The following PPHLN1 variants were observed in gnomAD, a reference collection of about 807,000 sequenced individuals.
The protein encoded by PPHLN1 is periphilin 1.
Under a neutral mutation model 51.3 loss-of-function variants are expected in PPHLN1, and 29 were observed. The observed-to-expected ratio is 0.57, with a 90% CI of 0.42 to 0.77. The LOEUF (loss-of-function observed/expected upper bound fraction) is 0.77. Ranked by LOEUF, PPHLN1 falls within the 30% of genes least tolerant of loss-of-function variation. The pLI is 0.00. For missense variants in PPHLN1, 436 were observed against 438.4 expected, an observed-to-expected ratio of 0.99 and a Z score of 0.05; for synonymous variants, 147 against 147.8, an observed-to-expected ratio of 0.99 and a Z score of 0.04.
chr12:42,395,746 A>G (rs2078145712), intron 8 of PPHLN1, among the ~76,000 whole-genome samples: 1 of 152,110 alleles, frequency 6.6e-6, no homozygotes. Context: ...GCAATATTTT[A>G]TTTTATATGA....
chr12:42,410,310 C>T (rs907763532), intron 9 of PPHLN1, among the ~76,000 whole-genome samples: 57 of 152,130 alleles, frequency 3.7e-4, no homozygotes, highest in African/African-American at 1.3e-3. Flanking sequence ...TAGTTTGAAG[C>T]ATGTCTGATT....
intron 5 of PPHLN1, among the ~76,000 whole-genome samples, chr12:42,381,999 G>GT (rs919687072): frequency 3.9e-5 from 6 of 151,940 alleles, no homozygotes; most frequent in African/African-American, 9.7e-5. Flanking sequence ...TGATTATGCT[G>GT]TTTTTTTTCC....
At position 42,441,522 on chromosome 12, in the gene PPHLN1, A is replaced by G; in HGVS notation, c.*13A>G. ...AGAGCCTTTTTAGATTTTTCTGCTC[A>G]GGCTAAAAAAAAAAAAAAACAGTTT... On this transcript the variant is annotated 3_prime_UTR_variant, in exon 10 of 10. Coordinates refer to ENST00000358314, the MANE Select transcript of PPHLN1 (RefSeq NM_201439.2). 1.3e-6 allele frequency: 2 copies of G among 1,530,518 alleles called. No homozygotes were observed. The highest frequency in any genetic ancestry group is 1.3e-5 in the South Asian group (1 of 79,670). The allele number at this position is 1,530,518 out of a possible 1,614,324, so 94.8% of individuals were successfully genotyped here.
intron 9 of PPHLN1, among the ~76,000 whole-genome samples, chr12:42,420,177 C>T (rs2080858358): frequency 6.6e-6 from 1 of 152,124 alleles, no homozygotes; most frequent in South Asian, 2.1e-4. Flanking sequence ...CACACCTACA[C>T]AATGGACTGA....
At chr12:42,379,335 C>T (rs1477765141) in intron 5 of PPHLN1, among the ~76,000 whole-genome samples, 2 of 151,932 alleles carry the variant, frequency 1.3e-5, no homozygotes, top group Non-Finnish European at 2.9e-5. Flanking sequence ...AAATCTTCTT[C>T]AGTAACATCT....
At chr12:42,376,571 G>A (rs938062919) in intron 5 of PPHLN1, among the ~76,000 whole-genome samples, 3 of 152,172 alleles carry the variant, frequency 2.0e-5, no homozygotes, top group East Asian at 3.8e-4. Context: ...AAGATTACTC[G>A]AGCCCAGGAG....
intron 9 of PPHLN1, among the ~76,000 whole-genome samples, chr12:42,429,008 C>T (rs1469936595): frequency 6.6e-6 from 1 of 151,944 alleles, no homozygotes. Flanking sequence ...TCAGACACGA[C>T]AATATCAAAA....
At chr12:42,442,882 C>T (rs1211259780), downstream of PPHLN1, 12 of 1,337,718 alleles carry the variant, frequency 9.0e-6, no homozygotes, top group South Asian at 1.5e-5. Context: ...AGCAGAGCCT[C>T]GGTTTCGCAG....
downstream of PPHLN1, chr12:42,444,450 A>T (rs544964302): frequency 1.9e-4 from 28 of 149,608 alleles, no homozygotes; most frequent in African/African-American, 6.7e-4. Context: ...ATAGACCCAC[A>T]ATACTCAGTC....
At chr12:42,350,996 C>T (rs967853943) in intron 2 of PPHLN1, among the ~76,000 whole-genome samples, 1 of 145,340 alleles carries the variant, frequency 6.9e-6, no homozygotes, top group African/African-American at 2.7e-5. Context: ...CCATGGCAAG[C>T]GGGAGAGGGA....
intron 9 of PPHLN1, among the ~76,000 whole-genome samples, chr12:42,404,327 G>A (rs567183499): frequency 6.6e-6 from 1 of 152,198 alleles, no homozygotes; most frequent in African/African-American, 2.4e-5. Flanking sequence ...CCAGGAGTTC[G>A]AGACCAGGCT....
downstream of PPHLN1, chr12:42,446,190 C>G (rs541068905): frequency 6.2e-7 from 1 of 1,611,920 alleles, no homozygotes; most frequent in Non-Finnish European, 8.5e-7. Context: ...AAGAAGACAA[C>G]TCAGGAGGCT....
At chr12:42,445,224 A>G (rs2083245794), downstream of PPHLN1, 3 of 657,658 alleles carry the variant, frequency 4.6e-6, no homozygotes, top group Non-Finnish European at 5.5e-6. Context: ...CCTGCAGGTT[A>G]TGATGTCACT....
chr12:42,442,523 G>A, downstream of PPHLN1: 1 of 1,382,236 alleles, frequency 7.2e-7, no homozygotes, highest in Admixed American at 2.2e-5. Flanking sequence ...AATACAAGCG[G>A]CTCCAGCTTA....
intron 4 of PPHLN1, among the ~76,000 whole-genome samples, chr12:42,363,446 A>ATT (rs11402998): frequency 0.022 from 3,281 of 148,936 alleles, 57 homozygotes; most frequent in Non-Finnish European, 0.031. Flanking sequence ...TACTCTAGCT[A>ATT]TTTTTTTTTC....
At chr12:42,390,937 A>ATTACAGGC (rs921833355) in intron 7 of PPHLN1, among the ~76,000 whole-genome samples, 13 of 150,584 alleles carry the variant, frequency 8.6e-5, no homozygotes, top group African/African-American at 2.7e-4. Flanking sequence ...AAGTGCTGTG[A>ATTACAGGC]TTACAGGCGT....
At chr12:42,405,298 A>C (rs2079193129) in intron 9 of PPHLN1, among the ~76,000 whole-genome samples, 1 of 152,226 alleles carries the variant, frequency 6.6e-6, no homozygotes, top group South Asian at 2.1e-4. Context: ...TCCTCTCTTA[A>C]CTATTGTTTA....
chr12:42,380,185 T>C (rs1228018428), intron 5 of PPHLN1, among the ~76,000 whole-genome samples: 2 of 152,080 alleles, frequency 1.3e-5, no homozygotes, highest in African/African-American at 4.8e-5. Flanking sequence ...TTCTAAACAT[T>C]TGCTAGGGAT....
rs35335129 is a variant in PPHLN1, at chr12:42,344,708, A to ATTT, written c.73-7161_73-7159dup. Reference sequence around the variant, plus strand: ...CTTATGAGATTTAACAACAGTGTGGATTTTTTTTTTTTTTTTTTGAGACAG... The same window carrying ATTT: ...CTTATGAGATTTAACAACAGTGTGGATTTTTTTTTTTTTTTTTTTTTGAGACAG... On this transcript the variant is annotated intron_variant, in intron 2 of 9. Coordinates refer to ENST00000358314, the MANE Select transcript of PPHLN1 (RefSeq NM_201439.2). 1.1e-3 allele frequency among the ~76,000 whole-genome samples: 148 copies of ATTT among 134,074 alleles called. 3 individuals carry two copies. The highest frequency in any genetic ancestry group is 3.0e-3 in the African/African-American group (110 of 36,196). The allele number at this position is 134,074 out of a possible 152,430, so 88.0% of individuals were successfully genotyped here.
Sources: allele counts gnomAD v4.1 joint callset (sites outside exome capture counted in the v4.1 genomes callset), GRCh38; gene constraint gnomAD v4.1.1; transcripts MANE v1.5; gene names NCBI Gene and HGNC (gene_info 2026-07-23, HGNC 2026-07-21).